Variants in FGA observed in about 807,000 individuals in gnomAD.
The protein encoded by FGA is fibrinogen alpha chain.
FGA carries 20 observed loss-of-function variants against 20.3 expected under a neutral mutation model. The ratio of observed to expected loss-of-function variants is 0.99; its 90% CI spans 0.69 to 1.43. The LOEUF is 1.43. FGA is among the 40% of genes most tolerant of loss of function. The probability of loss-of-function intolerance (pLI) is 0.00; values close to 1 mark genes in which losing one functional copy is unlikely to be tolerated. For synonymous variants in FGA, 306 were observed against 281.6 expected, an observed-to-expected ratio of 1.09 and a Z score of -0.87; for missense variants, 777 against 784.7, an observed-to-expected ratio of 0.99 and a Z score of 0.12.
chr4:154,585,816 C>A lies in FGA; in HGVS notation c.1613G>T (p.Gly538Val). The stretch of plus-strand genomic sequence containing the variant: ...AGACTCAGTCTCACTGACAAACTCT[C>A]CTAACATAGGTGAGAAGAAACCTGG... ...TFPGFFSPML[G>V]EFVSETESRG... The change falls in exon 5 of 5, where the codon GGA becomes GTA. Residue 538 changes from glycine to valine, a missense_variant. Gly to Val is a moderately radical substitution (Grantham distance 109, BLOSUM62 -3). Coordinates refer to ENST00000403106, the MANE Select transcript of FGA (RefSeq NM_021871.4). 1.2e-6 allele frequency: 2 copies of A among 1,614,158 alleles called. No individual in the cohort carries two copies. Among genetic ancestry groups the A allele is most frequent in the Non-Finnish European group, 1.7e-6 (2 of 1,180,024 alleles).
chr4:154,589,588 A>G (rs1730822709), intron 1 of FGA, 26 bp from the exon 2 acceptor site: 1 of 1,610,020 alleles, frequency 6.2e-7, no homozygotes, highest in Non-Finnish European at 8.5e-7. Flanking sequence ...CACATACACA[A>G]AAGAGAGCAA....
At chr4:154,584,537 C>T, downstream of FGA, 1 of 1,614,152 alleles carries the variant, frequency 6.2e-7, no homozygotes, top group Non-Finnish European at 8.5e-7. Context: ...CCAGCCCAGT[C>T]CTCTAATTCA....
downstream of FGA, chr4:154,583,823 C>A: frequency 2.8e-6 from 1 of 357,046 alleles, no homozygotes; most frequent in African/African-American, 2.1e-5. Context: ...AACCAATAGT[C>A]TTCAAGGTTG....
intron 1 of FGA, among the ~76,000 whole-genome samples, chr4:154,590,237 G>A (rs552313396): frequency 3.9e-5 from 6 of 152,248 alleles, no homozygotes; most frequent in African/African-American, 1.4e-4. Flanking sequence ...TGGACAAGTA[G>A]CAAGAAATTA....
chr4:154,584,625 A>T, downstream of FGA: 1 of 1,614,146 alleles, frequency 6.2e-7, no homozygotes. Context: ...CCCCCTCGTC[A>T]TTCAGGCTGC....
chr4:154,586,939 T>C (rs773971644), intron 4 of FGA, 21 bp from the exon 5 acceptor site: 35 of 1,609,762 alleles, frequency 2.2e-5, no homozygotes, highest in Non-Finnish European at 2.9e-5. Context: ...GGGAGAAAAA[T>C]AAAGAGAAAA....
chr4:154,588,130 T>C lies in FGA; in HGVS notation c.365-473A>G, dbSNP rs371759890. Among the ~76,000 whole-genome samples the C allele has an allele frequency of 3.2e-4, 49 of 152,332 alleles. No individual in the cohort carries two copies. The South Asian group carries it at 9.9e-3, about 31-fold the overall frequency. The stretch of plus-strand genomic sequence containing the variant: ...CTGATGAGCTTTTCTTTTTAATCTA[T>C]AGATTTGAAATGGTTCCTAAGCTGT... On this transcript the variant is annotated intron_variant, in intron 3 of 4. Coordinates refer to ENST00000403106, the MANE Select transcript of FGA (RefSeq NM_021871.4).
chr4:154,583,880 C>A, downstream of FGA: 1 of 507,502 alleles, frequency 2.0e-6, no homozygotes, highest in Non-Finnish European at 3.5e-6. Context: ...CTGAATGGCC[C>A]TTGGTATATC....
Position 154,587,539 on chromosome 4 carries a change from A to G in FGA, c.483T>C (p.Ala161=). Residue 161 remains alanine (A), a synonymous_variant, in exon 4 of 5, where the codon GCT becomes GCC. Coordinates refer to ENST00000403106, the MANE Select transcript of FGA (RefSeq NM_021871.4). ...HIQLLQKNVR[A]QLVDMKRLEV... ...CCAGTCGTTTCATATCAACCAACTG[A>G]GCTCTAACATTTTTCTGCAGAAGCT... 6.2e-7 allele frequency: 1 copy of G among 1,613,850 alleles called. No individual in the cohort carries two copies. The highest frequency in any genetic ancestry group is 8.5e-7 in the Non-Finnish European group (1 of 1,179,936).
At chr4:154,589,371 G>T (rs1023486734) in intron 2 of FGA, 66 bp downstream of exon 2, 2 of 1,597,532 alleles carry the variant, frequency 1.3e-6, no homozygotes, top group African/African-American at 1.3e-5. Flanking sequence ...GACCAATCAG[G>T]TCAGCCTGTG....
In FGA at chr4:154,586,382, A is replaced by T; in HGVS notation, c.1047T>A (p.Pro349=). ...SGTGSTGNQN[P]GSPRPGSTGT... is the part of the protein sequence containing the mutation. ...CGGTACTACCAGGTCTAGGGCTCCCAGGGTTTTGGTTTCCAGTACTTCCAG... is the reference window on the plus strand; with the variant it reads ...CGGTACTACCAGGTCTAGGGCTCCCTGGGTTTTGGTTTCCAGTACTTCCAG... Residue 349 remains proline (P), a synonymous_variant, in exon 5 of 5, where the codon CCT becomes CCA. Coordinates refer to ENST00000403106, the MANE Select transcript of FGA (RefSeq NM_021871.4). 1 of 1,614,168 alleles carries T rather than the reference A, an allele frequency of 6.2e-7. No individual in the cohort carries two copies. Among genetic ancestry groups the T allele is most frequent in the South Asian group, 1.1e-5 (1 of 91,086 alleles).
At chr4:154,588,732 T>C (rs1730796017) in intron 3 of FGA, 61 bp downstream of exon 3, 1 of 1,190,606 alleles carries the variant, frequency 8.4e-7, no homozygotes, top group African/African-American at 1.5e-5. Flanking sequence ...GGATATCATA[T>C]TTATTTAGGA....
rs1730678413 is a variant in FGA at position 154,585,311 on chromosome 4, G to A, written c.*183C>T. The A allele has an allele frequency of 4.0e-6, 5 of 1,235,262 alleles. No homozygotes were observed. In the East Asian group the frequency reaches 1.3e-4, roughly 33 times the overall value. 76.5% of individuals were successfully genotyped at this position (1,235,262 alleles called of 1,614,324 possible). A position where few individuals can be genotyped will look rare whatever the true frequency, so the allele number is the denominator to read the frequency against. ...ATTTAACATGTATTTATTGAGTCAT[G>A]GCTCTGTACTGTTAGGCATTTGGGA... On this transcript the variant is annotated 3_prime_UTR_variant, in exon 5 of 5. Transcript: ENST00000403106.
rs78506343 is a variant in FGA, at chr4:154,585,711, C to A, written c.1718G>T (p.Arg573Leu). Residue 573 changes from arginine (R) to leucine (L), a missense_variant, in exon 5 of 5, where the codon CGT (arginine) becomes CTT (leucine). By Grantham distance (102) the Arg-to-Leu change is moderately radical (BLOSUM62 -2). Transcript: ENST00000403106. ...TTTGCTGTAACTTGAAGATTTACCA[C>A]GGGAAGGGAATTCAGCTATCCCAGG... ...HHPGIAEFPSRGKSSSYSKQF... is the reference protein window; with the variant it reads ...HHPGIAEFPSLGKSSSYSKQF... 6.2e-7 allele frequency: 1 copy of A among 1,614,120 alleles called. No individual in the cohort carries two copies. Among genetic ancestry groups the A allele is most frequent in the Non-Finnish European group, 8.5e-7 (1 of 1,180,018 alleles).
downstream of FGA, chr4:154,583,626 A>G (rs186214551): frequency 6.4e-6 from 1 of 155,424 alleles, no homozygotes; most frequent in Admixed American, 6.3e-5. Context: ...ATAAATACAT[A>G]TTGTAATTAT....
chr4:154,586,778 A>T lies in FGA; in HGVS notation c.651T>A (p.Asp217Glu). Residue 217 changes from aspartate (D) to glutamate (E), a missense_variant, in exon 5 of 5, where the codon GAT becomes GAA. Asp to Glu is a conservative substitution (Grantham distance 45). Coordinates refer to ENST00000403106, the MANE Select transcript of FGA (RefSeq NM_021871.4). Reference sequence around the variant, plus strand: ...TTTTTATCAGTGGTAAGTGTTGCCTATCTCTAGAGGGAAGTAAGTCTTTGG... The same window carrying T: ...TTTTTATCAGTGGTAAGTGTTGCCTTTCTCTAGAGGGAAGTAAGTCTTTGG... ...VIAKDLLPSR[D>E]RQHLPLIKMK... 1 of 1,614,158 alleles carries T rather than the reference A, an allele frequency of 6.2e-7. No individual in the cohort carries two copies. The highest frequency in any genetic ancestry group is 8.5e-7 in the Non-Finnish European group (1 of 1,180,030).
downstream of FGA, chr4:154,584,317 T>G (rs1320219249): frequency 1.9e-6 from 3 of 1,614,098 alleles, no homozygotes; most frequent in Non-Finnish European, 2.5e-6. Context: ...GCCTCCCCCA[T>G]AGACTTCTGC....
In FGA at chr4:154,587,574, G is replaced by T. The variant is rs763715993; in HGVS notation, c.448C>A (p.Gln150Lys). 8 of 1,613,868 alleles carry T rather than the reference G, an allele frequency of 5.0e-6. No individual in the cohort carries two copies. Among genetic ancestry groups the T allele is most frequent in the Non-Finnish European group, 6.8e-6 (8 of 1,179,882 alleles). Residue 150 changes from glutamine to lysine, a missense_variant, in exon 4 of 5, where the codon CAG becomes AAG. Physicochemically the swap from Gln to Lys is moderately conservative, Grantham distance 53. Transcript: ENST00000403106. ...TTTTTCTGCAGAAGCTGGATATGCT[G>T]TACTTTTTCTATGACTTTGCGCTTC... ...VLKRKVIEKV[Q>K]HIQLLQKNVR...
Position 154,587,745 on chromosome 4 carries a change from G to GAGAAAGAA in FGA, c.365-96_365-89dup, listed in dbSNP as rs60443975. 0.082 allele frequency: 42,891 copies of GAGAAAGAA among 522,368 alleles called. 2,327 individuals are homozygous for GAGAAAGAA. The highest frequency in any genetic ancestry group is 0.14 in the African/African-American group (5,861 of 42,666). 32.4% of individuals were successfully genotyped at this position (522,368 alleles called of 1,614,324 possible). A position where few individuals can be genotyped will look rare whatever the true frequency, so the allele number is the denominator to read the frequency against. On this transcript the variant is annotated intron_variant, in intron 3 of 4. Transcript: ENST00000403106. ...AAAAGAAAGGAAGAAAGGAAGGAAG[G>GAGAAAGAA]AGAAAGAAAGAAAGAAAGAAAGAAA...
Sources: gnomAD v4.1 joint callset for allele counts (sites outside exome capture counted in the v4.1 genomes callset) on GRCh38, gnomAD v4.1.1 for gene constraint, MANE v1.5 for transcripts, NCBI Gene and HGNC (gene_info 2026-07-23, HGNC 2026-07-21) for gene names.